Variants in TMEM8B observed in about 807,000 individuals in gnomAD.
TMEM8B encodes the protein nasopharyngeal carcinoma expressed 6.
Under a neutral mutation model 49.3 loss-of-function variants are expected in TMEM8B, and 29 were observed. The ratio of observed to expected loss-of-function variants is 0.59; its 90% confidence interval spans 0.44 to 0.80. TMEM8B has a LOEUF of 0.80. TMEM8B is among the 30% of genes least tolerant of loss of function. The pLI is 0.00. For synonymous variants in TMEM8B, 264 were observed against 272.8 expected (o/e 0.97, Z 0.32); for missense variants, 575 against 658.5 (o/e 0.87, Z 1.39).
At position 35,853,339 on chromosome 9, in the gene TMEM8B, G is replaced by A. The variant is rs1832326739; in HGVS notation, c.2439+82G>A. The A allele has an allele frequency of 6.8e-7, 1 of 1,476,114 alleles. No individual in the cohort carries two copies. The highest frequency in any genetic ancestry group is 1.4e-5 in the African/African-American group (1 of 72,048). The allele number at this position is 1,476,114 out of a possible 1,614,324, so 91.4% of individuals were successfully genotyped here. On this transcript the variant is annotated intron_variant, in intron 12 of 12. Transcript: ENST00000643932. The surrounding 1 kb of genome is among the most constrained non-coding windows in gnomAD (Gnocchi z 4.2). ...CCAGGTATCTGGTCCCCAGTTTAAG[G>A]TGGGCTTGGCTCTGTCGTCATCACC... is the stretch of plus-strand genomic sequence containing the variant.
In TMEM8B at chr9:35,841,586, T is replaced by C. The variant is rs867797425; in HGVS notation, c.1101T>C (p.Arg367=). Residue 367 remains arginine (R), a synonymous_variant, in exon 5 of 13, where the codon CGT becomes CGC. Coordinates refer to ENST00000643932, the MANE Select transcript of TMEM8B (RefSeq NM_001042590.4). The surrounding 1 kb of genome is among the most constrained non-coding windows in gnomAD (Gnocchi z 5.9). ...VSAQLVCVGG[R]GVSACPLSLR... ...CACAGCTGGTGTGTGTGGGGGGCCG[T>C]GGGGTATCTGCCTGCCCCCTGTCAC... is the stretch of plus-strand genomic sequence containing the variant. 1.4e-5 allele frequency: 6 copies of C among 416,828 alleles called. No individual in the cohort carries two copies. The Middle Eastern group carries it at 1.9e-3, about 129-fold the overall frequency. 25.8% of individuals were successfully genotyped at this position (416,828 alleles called of 1,614,324 possible).
chr9:35,847,243 C>T, intron 10 of TMEM8B: 8 of 1,160,394 alleles, frequency 6.9e-6, no homozygotes, highest in Non-Finnish European at 1.0e-5. Flanking sequence ...CCAGCTGTTC[C>T]ACACTCTGTC....
Position 35,856,245 on chromosome 9 carries a change from G to A in TMEM8B, c.*2405G>A. ...AAAGCTCTTAGAACACTTGTATAGT[G>A]CCTAGTCTGGTATGTGATGTGGTCC... On this transcript the variant is annotated 3_prime_UTR_variant, in exon 13 of 13. Transcript: ENST00000643932. 6.6e-6 allele frequency: 1 copy of A among 152,206 alleles called. No individual in the cohort carries two copies. Among genetic ancestry groups the A allele is most frequent in the South Asian group, 2.1e-4 (1 of 4,822 alleles). 9.4% of individuals were successfully genotyped at this position (152,206 alleles called of 1,614,324 possible). A position where few individuals can be genotyped will look rare whatever the true frequency, so the allele number is the denominator to read the frequency against.
At position 35,842,993 on chromosome 9, in the gene TMEM8B, G is replaced by T. The variant is rs948868475; in HGVS notation, c.1635+276G>T. Among the ~76,000 whole-genome samples the T allele has an allele frequency of 6.6e-6, 1 of 152,148 alleles. No individual in the cohort carries two copies. Among genetic ancestry groups the T allele is most frequent in the South Asian group, 2.1e-4 (1 of 4,822 alleles). The stretch of plus-strand genomic sequence containing the variant: ...CTGCTCATTACTGGCCTTTCACTAC[G>T]GTAGTTGTTAACCTTTTCTTGCAAA... On this transcript the variant is annotated intron_variant, in intron 6 of 12. Coordinates refer to ENST00000643932, the MANE Select transcript of TMEM8B (RefSeq NM_001042590.4). This position sits in a 1 kb window ranked among gnomAD's most constrained non-coding sequence, Gnocchi z 5.6.
Position 35,846,606 on chromosome 9 carries a change from A to C in TMEM8B, c.1991A>C (p.Lys664Thr). ...TATCTGTACGCAGCCTGCGAGTGCA[A>C]GGCCGGTGAGCAGGCTGGCGAGGGA... Reference protein sequence around the residue: ...HNYLYAACECKAGWRGWGCTD... With the variant: ...HNYLYAACECTAGWRGWGCTD... The change falls in exon 9 of 13, where the codon AAG (lysine) becomes ACG (threonine). Residue 664 changes from lysine (K) to threonine (T), a missense_variant. Coordinates refer to ENST00000643932, the MANE Select transcript of TMEM8B (RefSeq NM_001042590.4). 1.9e-6 allele frequency: 3 copies of C among 1,574,014 alleles called. No individual in the cohort carries two copies. Among genetic ancestry groups the C allele is most frequent in the Non-Finnish European group, 2.6e-6 (3 of 1,159,372 alleles).
chr9:35,848,147 G>T (rs1299631787), intron 10 of TMEM8B, among the ~76,000 whole-genome samples: 2 of 151,546 alleles, frequency 1.3e-5, no homozygotes, highest in Admixed American at 6.6e-5. Flanking sequence ...AAACTGAGGG[G>T]CCTGGGTCCT....
At chr9:35,840,359 A>G (rs1392631636) in intron 3 of TMEM8B, among the ~76,000 whole-genome samples, 2 of 152,188 alleles carry the variant, frequency 1.3e-5, no homozygotes, top group African/African-American at 4.8e-5. Flanking sequence ...GGCTTTAGCA[A>G]GGTCAGCGCT....
At chr9:35,833,316 C>T (rs1055594405) in intron 1 of TMEM8B, 9 of 985,212 alleles carry the variant, frequency 9.1e-6, no homozygotes, top group African/African-American at 5.2e-5. Context: ...GCTGAGTTCC[C>T]CACCTTCTCA....
Position 35,854,676 on chromosome 9 carries a change from TTATGTATGTA to T in TMEM8B, c.*839_*848del, listed in dbSNP as rs1288142324. 1.4e-5 allele frequency: 2 copies of T among 144,334 alleles called. No homozygotes were observed. Among genetic ancestry groups the T allele is most frequent in the African/African-American group, 5.1e-5 (2 of 39,098 alleles). 8.9% of individuals were successfully genotyped at this position (144,334 alleles called of 1,614,324 possible). A position where few individuals can be genotyped will look rare whatever the true frequency, so the allele number is the denominator to read the frequency against. On this transcript the variant is annotated 3_prime_UTR_variant, in exon 13 of 13. Coordinates refer to ENST00000643932, the MANE Select transcript of TMEM8B (RefSeq NM_001042590.4). ...GGGGTGTGTGTGTGTGTGTGTGTGT[TTATGTATGTA>T]TACGTATGCTGAGATGATTTAAATC...
chr9:35,849,480 A>T (rs1318526585), intron 10 of TMEM8B, among the ~76,000 whole-genome samples: 1 of 152,272 alleles, frequency 6.6e-6, no homozygotes, highest in Non-Finnish European at 1.5e-5. Context: ...TAATCCTCAC[A>T]ATAGTACTGT....
chr9:35,850,302 C>A (rs1832018962), intron 10 of TMEM8B, among the ~76,000 whole-genome samples: 1 of 152,110 alleles, frequency 6.6e-6, no homozygotes, highest in South Asian at 2.1e-4. Flanking sequence ...TAAATAATGG[C>A]CAAAGCTGAG....
intron 1 of TMEM8B, among the ~76,000 whole-genome samples, chr9:35,832,165 AG>A: frequency 8.4e-6 from 1 of 118,384 alleles, no homozygotes; most frequent in South Asian, 3.1e-4. Flanking sequence ...GTGTAGGTGT[AG>A]GGGTGTGTGT....
chr9:35,863,164 A>G lies in TMEM8B; in HGVS notation c.*9324A>G, dbSNP rs1159637326. ...GTGAGGCCCTTTCTCTAAAAAAGCA[A>G]ACGAAGAACGCTGAACCCAAGGTCT... On this transcript the variant is annotated 3_prime_UTR_variant, in exon 13 of 13. Transcript: ENST00000643932. 1 of 152,326 alleles carries G rather than the reference A, an allele frequency of 6.6e-6. No individual in the cohort carries two copies. The highest frequency in any genetic ancestry group is 2.4e-5 in the African/African-American group (1 of 41,420). The allele number at this position is 152,326 out of a possible 1,614,324, so 9.4% of individuals were successfully genotyped here. A position where few individuals can be genotyped will look rare whatever the true frequency, so the allele number is the denominator to read the frequency against.
chr9:35,838,221 A>G (rs879581600), intron 3 of TMEM8B, among the ~76,000 whole-genome samples: 6 of 152,210 alleles, frequency 3.9e-5, no homozygotes, highest in Non-Finnish European at 7.3e-5. Context: ...TACAAAAGAT[A>G]TACAGTGGAA....
intron 10 of TMEM8B, among the ~76,000 whole-genome samples, chr9:35,847,637 A>G (rs1379712832): frequency 1.3e-5 from 2 of 152,224 alleles, no homozygotes; most frequent in South Asian, 2.1e-4. Flanking sequence ...GAAGCTTTAC[A>G]GACTCAACTA....
chr9:35,844,496 T>G (rs1221573802), intron 6 of TMEM8B, among the ~76,000 whole-genome samples: 1 of 152,260 alleles, frequency 6.6e-6, no homozygotes, highest in Non-Finnish European at 1.5e-5. Flanking sequence ...CTTCATGTGG[T>G]CTTTTATGGG....
At position 35,829,578 on chromosome 9, in the gene TMEM8B, C is replaced by T. The variant is rs1829643556; in HGVS notation, c.131C>T (p.Ser44Phe). The change falls in exon 1 of 13, where the codon TCT becomes TTT. Residue 44 changes from serine (S) to phenylalanine (F), a missense_variant. Ser to Phe is a radical substitution (Grantham distance 155, BLOSUM62 -2). Transcript: ENST00000643932. ...PGSPSRTPFQSLPLAWPPSRP... is the reference protein window; with the variant it reads ...PGSPSRTPFQFLPLAWPPSRP... ...TCCCCATCCAGGACCCCCTTCCAGT[C>T]TCTGCCCCTGGCCTGGCCCCCATCC... 5.1e-6 allele frequency: 2 copies of T among 393,992 alleles called. No individual in the cohort carries two copies. Among genetic ancestry groups the T allele is most frequent in the South Asian group, 1.3e-4 (1 of 7,820 alleles). The allele number at this position is 393,992 out of a possible 1,614,324, so 24.4% of individuals were successfully genotyped here. A position where few individuals can be genotyped will look rare whatever the true frequency, so the allele number is the denominator to read the frequency against.
Position 35,853,534 on chromosome 9 carries a change from C to T in TMEM8B, c.2469C>T (p.Cys823=). The T allele has an allele frequency of 6.2e-7, 1 of 1,613,968 alleles. No homozygotes were observed. Among genetic ancestry groups the T allele is most frequent in the East Asian group, 2.2e-5 (1 of 44,892 alleles). The change falls in exon 13 of 13, where the codon TGC becomes TGT. Residue 823 remains cysteine (C), a synonymous_variant. Transcript: ENST00000643932. The surrounding 1 kb of genome is among the most constrained non-coding windows in gnomAD (Gnocchi z 4.2). ...WTVRSVRRRH[C]YPPTWRRWLF... is the part of the protein sequence containing the mutation. Reference sequence around the variant, plus strand: ...TACGCAGCGTCCGCCGCCGGCACTGCTACCCACCCACGTGGCGCCGCTGGC... The same window carrying T: ...TACGCAGCGTCCGCCGCCGGCACTGTTACCCACCCACGTGGCGCCGCTGGC...
chr9:35,841,334 C>T lies in TMEM8B; in HGVS notation c.1040+67C>T, dbSNP rs538824320. ...GTGGCCTCATACAGGCTGCAGGGTT[C>T]TCTCTTGGCTTCTCCACCTACCTGC... On this transcript the variant is annotated intron_variant, in intron 4 of 12. Transcript: ENST00000643932. The surrounding 1 kb of genome is among the most constrained non-coding windows in gnomAD (Gnocchi z 5.9). The T allele has an allele frequency of 2.4e-5, 10 of 416,466 alleles. No homozygotes were observed. The highest frequency in any genetic ancestry group is 2.0e-4 in the African/African-American group (10 of 48,804). 25.8% of individuals were successfully genotyped at this position (416,466 alleles called of 1,614,324 possible). A position where few individuals can be genotyped will look rare whatever the true frequency, so the allele number is the denominator to read the frequency against.
Sources: gnomAD v4.1 joint callset for allele counts (sites outside exome capture counted in the v4.1 genomes callset) on GRCh38, gnomAD v4.1.1 for gene constraint, Gnocchi (gnomAD v3.1) non-coding constraint, MANE v1.5 for transcripts, NCBI Gene and HGNC (gene_info 2026-07-23, HGNC 2026-07-21) for gene names.